MAF: variants seen among roughly 807,000 people sequenced by gnomAD.
The protein encoded by MAF is transcription factor Maf.
A neutral mutation model predicts 22.0 loss-of-function variants in MAF; 10 were observed. The ratio of observed to expected loss-of-function variants is 0.45; its 90% CI spans 0.28 to 0.77. The LOEUF is 0.77. Among genes scored for constraint, MAF ranks in the 30% least tolerant of loss-of-function variants. The pLI, the probability that MAF is intolerant of heterozygous loss-of-function variation, is 0.12. For synonymous variants in MAF, 337 were observed against 255.8 expected (o/e 1.32, Z -3.03); for missense variants, 544 against 548.4 (o/e 0.99, Z 0.08).
At chr16:79,398,774 T>C in the MAF span, among the ~76,000 whole-genome samples, 78,312 of 151,988 alleles carry the variant, frequency 0.52, 20,755 homozygotes, top group South Asian at 0.71. Context: ...CTGTCTGGCA[T>C]TCTCTTACTC....
the MAF span, among the ~76,000 whole-genome samples, chr16:79,468,324 G>A: frequency 1.4e-3 from 214 of 152,278 alleles, 1 homozygote; most frequent in African/African-American, 4.6e-3. Context: ...GACGGCACTG[G>A]GGGGATGCCC....
chr16:79,464,374 G>T, the MAF span, among the ~76,000 whole-genome samples: 1 of 152,154 alleles, frequency 6.6e-6, no homozygotes, highest in Non-Finnish European at 1.5e-5. Context: ...GCCCACCACA[G>T]TAGCCGTGAA....
At chr16:79,396,914 C>T in the MAF span, among the ~76,000 whole-genome samples, 2 of 152,240 alleles carry the variant, frequency 1.3e-5, no homozygotes, top group African/African-American at 4.8e-5. Context: ...GAGGCCATGG[C>T]CCTAGCTCTG....
the MAF span, among the ~76,000 whole-genome samples, chr16:79,469,495 A>G: frequency 8.5e-5 from 13 of 152,336 alleles, no homozygotes; most frequent in African/African-American, 2.9e-4. Context: ...TGTCTACTTC[A>G]TTGAACAGTA....
At chr16:79,446,716 A>G in the MAF span, among the ~76,000 whole-genome samples, 2 of 150,776 alleles carry the variant, frequency 1.3e-5, no homozygotes, top group Non-Finnish European at 3.0e-5. Flanking sequence ...GTTCAAGACC[A>G]GCCTGGGCAG....
At chr16:79,339,779 A>G in the MAF span, among the ~76,000 whole-genome samples, 1 of 152,186 alleles carries the variant, frequency 6.6e-6, no homozygotes, top group African/African-American at 2.4e-5. Context: ...TTTCAAGATG[A>G]TTACTTTTCA....
the MAF span, among the ~76,000 whole-genome samples, chr16:79,269,319 C>G: frequency 6.6e-6 from 1 of 152,202 alleles, no homozygotes; most frequent in Non-Finnish European, 1.5e-5. Flanking sequence ...CCTCCTCTCA[C>G]TCACTGCCCC....
the MAF span, among the ~76,000 whole-genome samples, chr16:79,220,854 G>C: frequency 6.6e-6 from 1 of 152,196 alleles, no homozygotes; most frequent in Non-Finnish European, 1.5e-5. Context: ...ATATGCTGCT[G>C]ATCAGTTTAT....
At chr16:79,554,128 A>ACC in the MAF span, among the ~76,000 whole-genome samples, 6,872 of 59,014 alleles carry the variant, frequency 0.12, 228 homozygotes, top group Non-Finnish European at 0.18. Context: ...CAAACAAACA[A>ACC]AACCACCAAA....
the MAF span, among the ~76,000 whole-genome samples, chr16:79,265,235 G>A: frequency 6.6e-6 from 1 of 152,134 alleles, no homozygotes; most frequent in Non-Finnish European, 1.5e-5. Context: ...AATTCATCAA[G>A]TGTAAGATGG....
the MAF span, among the ~76,000 whole-genome samples, chr16:79,516,497 T>G: frequency 6.6e-6 from 1 of 152,172 alleles, no homozygotes; most frequent in African/African-American, 2.4e-5. Flanking sequence ...CTCAGAGATG[T>G]TAAGTAAATT....
the MAF span, among the ~76,000 whole-genome samples, chr16:79,399,067 C>T: frequency 6.6e-6 from 1 of 152,304 alleles, no homozygotes; most frequent in Admixed American, 6.5e-5. Flanking sequence ...AGTAGACAGA[C>T]AAGGACTGAC....
At chr16:79,449,134 C>A in the MAF span, among the ~76,000 whole-genome samples, 2 of 152,148 alleles carry the variant, frequency 1.3e-5, no homozygotes, top group Admixed American at 1.3e-4. Context: ...GCACAGTTCA[C>A]AATAGGGTTT....
the MAF span, among the ~76,000 whole-genome samples, chr16:79,216,340 A>T: frequency 4.6e-5 from 7 of 152,196 alleles, no homozygotes; most frequent in Non-Finnish European, 1.0e-4. Context: ...ATATGCACAT[A>T]TATGTATTGC....
chr16:79,378,298 G>A, the MAF span, among the ~76,000 whole-genome samples: 1 of 152,190 alleles, frequency 6.6e-6, no homozygotes, highest in South Asian at 2.1e-4. Context: ...AATGCCAGTG[G>A]ACTTACTATG....
chr16:79,390,085 G>C, the MAF span, among the ~76,000 whole-genome samples: 1 of 151,204 alleles, frequency 6.6e-6, no homozygotes, highest in Non-Finnish European at 1.5e-5. Context: ...ATCTGTGTGT[G>C]TGTGTGCCTG....
At chr16:79,233,470 G>T in the MAF span, among the ~76,000 whole-genome samples, 3 of 151,952 alleles carry the variant, frequency 2.0e-5, no homozygotes, top group Non-Finnish European at 4.4e-5. Flanking sequence ...ATCTCCCAGA[G>T]CTATGCAACT....
the MAF span, among the ~76,000 whole-genome samples, chr16:79,571,882 C>A: frequency 0.011 from 1,666 of 152,238 alleles, 30 homozygotes; most frequent in African/African-American, 0.038. Context: ...CCAGGACTTC[C>A]CCCAAGTGCA....
At chr16:79,302,645 G>A in the MAF span, among the ~76,000 whole-genome samples, 1 of 152,198 alleles carries the variant, frequency 6.6e-6, no homozygotes, top group Non-Finnish European at 1.5e-5. Flanking sequence ...TGGCTTCTAT[G>A]TTTTCAGCTG....
Sources: allele counts gnomAD v4.1 joint callset (sites outside exome capture counted in the v4.1 genomes callset), GRCh38; gene constraint gnomAD v4.1.1; transcripts MANE v1.5; gene names NCBI Gene and HGNC (gene_info 2026-07-23, HGNC 2026-07-21).